Variants in PIK3R6 observed in about 807,000 individuals in gnomAD.
PIK3R6 encodes phosphoinositide 3-kinase regulatory subunit 6.
Under a neutral mutation model 84.9 loss-of-function variants are expected in PIK3R6, and 91 were observed. The observed-to-expected ratio is 1.07, with a 90% CI of 0.90 to 1.28. PIK3R6 has a LOEUF of 1.28. Among genes scored for constraint, PIK3R6 ranks in the 50% most tolerant of loss-of-function variants. PIK3R6 has a pLI of 0.00. For missense variants in PIK3R6, 996 were observed against 985.1 expected (o/e 1.01, Z -0.15); for synonymous variants, 416 against 411.4 (o/e 1.01, Z -0.13).
In PIK3R6 at chr17:8,836,790, C is replaced by T; in HGVS notation, c.391+1G>A. 6.2e-7 allele frequency: 1 copy of T among 1,610,160 alleles called. No homozygotes were observed. Among genetic ancestry groups the T allele is most frequent in the Non-Finnish European group, 8.5e-7 (1 of 1,178,206 alleles). ...AGACAAAGATGCCCAGTGACTCTTA[C>T]CTGGGACAGCCATCTCCGTTTTCAG... On this transcript the variant is annotated splice_donor_variant, in intron 6 of 19. Coordinates refer to ENST00000619866, the MANE Select transcript of PIK3R6 (RefSeq NM_001010855.4). LOFTEE classifies it high-confidence loss of function.
intron 1 of PIK3R6, among the ~76,000 whole-genome samples, chr17:8,853,943 C>T (rs1283797495): frequency 1.4e-5 from 2 of 142,122 alleles, no homozygotes; most frequent in Non-Finnish European, 3.0e-5. Flanking sequence ...AGCCTGGTGA[C>T]AGAGAGAGAC....
chr17:8,828,256 G>T, intron 11 of PIK3R6, 66 bp from the exon 12 acceptor site: 1 of 1,508,840 alleles, frequency 6.6e-7, no homozygotes, highest in African/African-American at 1.4e-5. Context: ...ACTCGGCTCT[G>T]CTATTTGTTA....
chr17:8,828,711 G>T lies in PIK3R6; in HGVS notation c.1169C>A (p.Pro390His). ...DFLMPGSWDGPPGLHRRTGRP... is the reference protein window; with the variant it reads ...DFLMPGSWDGHPGLHRRTGRP... ...GCCTGTCCTCCGGTGCAGCCCTGGG[G>T]GCCCGTCCCAGCTGCCAGGCATCAA... Residue 390 changes from proline to histidine, a missense_variant, in exon 11 of 20, where the codon CCC becomes CAC. Transcript: ENST00000619866. The T allele has an allele frequency of 6.2e-7, 1 of 1,610,282 alleles. No homozygotes were observed. Among genetic ancestry groups the T allele is most frequent in the African/African-American group, 1.3e-5 (1 of 74,978 alleles).
intron 2 of PIK3R6, among the ~76,000 whole-genome samples, chr17:8,841,169 C>A (rs1384822312): frequency 6.6e-6 from 1 of 152,038 alleles, no homozygotes; most frequent in Non-Finnish European, 1.5e-5. Flanking sequence ...CTCCACCCCC[C>A]GCCCCAAGTA....
chr17:8,867,416 A>G (rs1483160967), intron 1 of PIK3R6, 113 bp downstream of exon 1: 3 of 175,226 alleles, frequency 1.7e-5, no homozygotes, highest in African/African-American at 7.1e-5. Flanking sequence ...AATAAGAGCC[A>G]GGGGTGTTTC....
chr17:8,832,897 C>T lies in PIK3R6; in HGVS notation c.794G>A (p.Arg265His), dbSNP rs779211198. 11 of 1,612,476 alleles carry T rather than the reference C, an allele frequency of 6.8e-6. No individual in the cohort carries two copies. Among genetic ancestry groups the T allele is most frequent in the Non-Finnish European group, 9.3e-6 (11 of 1,179,722 alleles). ...YCSLLGPAAG[R>H]CGGDLVQERP... ...ATCTGCCAGTCGCTTACCACCGCAGCGCCCCGCCGCGGGACCCAGCAGCGA... is the reference window on the plus strand; with the variant it reads ...ATCTGCCAGTCGCTTACCACCGCAGTGCCCCGCCGCGGGACCCAGCAGCGA... The change falls in exon 9 of 20, where the codon CGC becomes CAC. Residue 265 changes from arginine to histidine, a missense_variant. By Grantham distance (29) the Arg-to-His change is conservative (BLOSUM62 0). Transcript: ENST00000619866.
chr17:8,810,879 C>A (rs966394687), intron 18 of PIK3R6, among the ~76,000 whole-genome samples: 2 of 148,594 alleles, frequency 1.3e-5, no homozygotes, highest in Admixed American at 1.4e-4. Context: ...TCTAGGCACA[C>A]GTGCAAGCTG....
intron 10 of PIK3R6, among the ~76,000 whole-genome samples, chr17:8,829,461 C>G (rs3890898): frequency 0.68 from 98,341 of 145,308 alleles, 33,772 homozygotes; most frequent in African/African-American, 0.82. Context: ...CATCCACACA[C>G]ATACACTGAC....
rs1271565011 is a variant in PIK3R6, at chr17:8,802,878, T to G, written c.*395A>C. 5.4e-6 allele frequency: 1 copy of G among 186,668 alleles called. No homozygotes were observed. Among genetic ancestry groups the G allele is most frequent in the Non-Finnish European group, 1.1e-5 (1 of 89,012 alleles). The allele number at this position is 186,668 out of a possible 1,614,324, so 11.6% of individuals were successfully genotyped here. On this transcript the variant is annotated 3_prime_UTR_variant, in exon 20 of 20. Coordinates refer to ENST00000619866, the MANE Select transcript of PIK3R6 (RefSeq NM_001010855.4). ...GGGAGGTGGTGCTGTTGCTGTTCCT[T>G]GCTTCCAATTTTCCCCTAGGCCACA...
intron 2 of PIK3R6, among the ~76,000 whole-genome samples, chr17:8,845,250 C>CT (rs1420492333): frequency 2.0e-5 from 3 of 152,176 alleles, no homozygotes; most frequent in African/African-American, 7.2e-5. Flanking sequence ...AATCTCCAAA[C>CT]TGCTTTCCAC....
At chr17:8,826,754 C>T (rs1170527267) in intron 13 of PIK3R6, among the ~76,000 whole-genome samples, 1 of 152,046 alleles carries the variant, frequency 6.6e-6, no homozygotes, top group Non-Finnish European at 1.5e-5. Flanking sequence ...TGTAACAAAC[C>T]TGCATGTTCT....
intron 1 of PIK3R6, among the ~76,000 whole-genome samples, chr17:8,853,194 T>C (rs922797833): frequency 6.6e-6 from 1 of 151,698 alleles, no homozygotes; most frequent in Non-Finnish European, 1.5e-5. Flanking sequence ...TTTTTTTAAA[T>C]AAATATTTAG....
chr17:8,849,762 T>TC lies in PIK3R6; in HGVS notation c.13+19_13+20insG. The TC allele has an allele frequency of 6.2e-7, 1 of 1,610,364 alleles. No homozygotes were observed. The stretch of plus-strand genomic sequence containing the variant: ...CTCGGCAGCAGGCTCACTAGACCCC[T>TC]TTCCCCCCACCACACTGACCTGAGC... On this transcript the variant is annotated intron_variant, in intron 2 of 19. Transcript: ENST00000619866.
At chr17:8,847,989 G>T (rs991099732) in intron 2 of PIK3R6, among the ~76,000 whole-genome samples, 4 of 152,120 alleles carry the variant, frequency 2.6e-5, no homozygotes, top group Admixed American at 6.6e-5. Flanking sequence ...TGACCCAGGT[G>T]CCTACTTAGC....
chr17:8,838,850 T>C (rs1597418165), intron 3 of PIK3R6, among the ~76,000 whole-genome samples, 195 bp from the exon 4 acceptor site: 1 of 152,092 alleles, frequency 6.6e-6, no homozygotes, highest in East Asian at 1.9e-4. Context: ...TCTGTAGCCC[T>C]TTGTGGACAG....
intron 12 of PIK3R6, 127 bp from the exon 13 acceptor site, chr17:8,827,421 G>T: frequency 9.0e-7 from 1 of 1,111,748 alleles, no homozygotes; most frequent in Non-Finnish European, 1.2e-6. Flanking sequence ...ATTTCTGCAT[G>T]TGAAGACACG....
At chr17:8,836,155 G>A (rs919186840) in intron 7 of PIK3R6, among the ~76,000 whole-genome samples, 3 of 152,290 alleles carry the variant, frequency 2.0e-5, no homozygotes, top group Middle Eastern at 3.4e-3. Context: ...GTGCACTTGC[G>A]CCTGAGCCCC....
Position 8,803,104 on chromosome 17 carries a change from C to T in PIK3R6, c.*169G>A. On this transcript the variant is annotated 3_prime_UTR_variant, in exon 20 of 20. Coordinates refer to ENST00000619866, the MANE Select transcript of PIK3R6 (RefSeq NM_001010855.4). This position sits in a 1 kb window ranked among gnomAD's most constrained non-coding sequence, Gnocchi z 5.0. ...TCCGTAGACCTCCATGTGGGCCCTT[C>T]CTCATCACAGTCCCCAGGGTAGGCT... is the stretch of plus-strand genomic sequence containing the variant. 1 of 772,756 alleles carries T rather than the reference C, an allele frequency of 1.3e-6. No homozygotes were observed. Among genetic ancestry groups the T allele is most frequent in the East Asian group, 2.8e-5 (1 of 35,866 alleles). The allele number at this position is 772,756 out of a possible 1,614,324, so 47.9% of individuals were successfully genotyped here.
At chr17:8,828,216 A>C in intron 11 of PIK3R6, 26 bp from the exon 12 acceptor site, 1 of 1,609,576 alleles carries the variant, frequency 6.2e-7, no homozygotes, top group Non-Finnish European at 8.5e-7. Flanking sequence ...AAAGCAGAGG[A>C]GGTTAGGGGC....
Sources: gnomAD v4.1 joint callset for allele counts (sites outside exome capture counted in the v4.1 genomes callset) on GRCh38, gnomAD v4.1.1 for gene constraint, Gnocchi (gnomAD v3.1) non-coding constraint, MANE v1.5 for transcripts, NCBI Gene and HGNC (gene_info 2026-07-23, HGNC 2026-07-21) for gene names.